PAM: variants seen among roughly 807,000 people sequenced by gnomAD.
The protein encoded by PAM is peptidyl-glycine alpha-amidating monooxygenase.
PAM carries 72 observed loss-of-function variants against 122.1 expected under a neutral mutation model. The ratio of observed to expected loss-of-function variants is 0.59; its 90% CI spans 0.49 to 0.72. The LOEUF (loss-of-function observed/expected upper bound fraction) is 0.72, where lower values mean the gene tolerates loss of function less well. Ranked by LOEUF, PAM falls within the 30% of genes least tolerant of loss-of-function variation. The pLI is 0.00. For synonymous variants in PAM, 389 were observed against 404.4 expected, an observed-to-expected ratio of 0.96 and a Z score of 0.46; for missense variants, 1,106 against 1,183.7, an observed-to-expected ratio of 0.93 and a Z score of 0.96.
In PAM at chr5:102,938,332, G is replaced by GTA. The variant is rs1335347792; in HGVS notation, c.527-8503_527-8502dup. On this transcript the variant is annotated intron_variant, in intron 7 of 25. Coordinates refer to ENST00000438793, the MANE Select transcript of PAM (RefSeq NM_001177306.2). ...TTTAATACCTAAATATGGCCATTAT[G>GTA]TATCAGGAATTACACTTTCATTCAT... Among the ~76,000 whole-genome samples the GTA allele has an allele frequency of 9.2e-5, 14 of 152,172 alleles. No homozygotes were observed. The South Asian group carries it at 2.5e-3, about 27-fold the overall frequency.
chr5:103,010,411 T>C (rs1484945749), intron 21 of PAM, among the ~76,000 whole-genome samples: 1 of 152,230 alleles, frequency 6.6e-6, no homozygotes, highest in South Asian at 2.1e-4. Context: ...TCCCACTGTT[T>C]ATTCTAACGT....
rs1772128852 is a variant in PAM, at chr5:102,987,144, CCT to C, written c.1484-3127_1484-3126del. Among the ~76,000 whole-genome samples the C allele has an allele frequency of 2.0e-5, 3 of 152,044 alleles. No homozygotes were observed. The South Asian group carries it at 6.2e-4, about 31-fold the overall frequency. On this transcript the variant is annotated intron_variant, in intron 15 of 25. Transcript: ENST00000438793. ...TACAGTAGCCAAGATATGGAATCAA[CCT>C]AAGAATATATCAGCAGATGAATGGA... is the stretch of plus-strand genomic sequence containing the variant.
chr5:102,870,814 G>A (rs1787179946), intron 3 of PAM, among the ~76,000 whole-genome samples: 1 of 152,148 alleles, frequency 6.6e-6, no homozygotes, highest in African/African-American at 2.4e-5. Context: ...ATCCAGCAGA[G>A]CCATGAAGTG....
intron 1 of PAM, among the ~76,000 whole-genome samples, chr5:102,803,134 A>G (rs189902073): frequency 2.9e-5 from 4 of 135,912 alleles, no homozygotes; most frequent in Non-Finnish European, 4.6e-5. Flanking sequence ...AAAAAAAAAG[A>G]AAGAAAGAAA....
intron 16 of PAM, among the ~76,000 whole-genome samples, chr5:102,994,098 A>G (rs1327905134): frequency 6.6e-6 from 1 of 152,088 alleles, no homozygotes; most frequent in Non-Finnish European, 1.5e-5. Flanking sequence ...TGTACTCCCA[A>G]AACAGCAAGT....
At chr5:102,967,872 G>A (rs754274387) in intron 14 of PAM, among the ~76,000 whole-genome samples, 18 of 151,918 alleles carry the variant, frequency 1.2e-4, no homozygotes, top group Middle Eastern at 3.4e-3. Context: ...ACAGGTGCCC[G>A]CCACCACCCC....
chr5:102,992,472 A>G (rs1258437909), intron 16 of PAM, among the ~76,000 whole-genome samples: 2 of 152,158 alleles, frequency 1.3e-5, no homozygotes, highest in African/African-American at 4.8e-5. Context: ...TTAGAAGTAG[A>G]TTACTCTGTT....
rs371496728 is a variant in PAM, at chr5:102,961,218, T to G, written c.1151T>G (p.Val384Gly). The G allele has an allele frequency of 1.2e-5, 19 of 1,553,134 alleles. No homozygotes were observed. In the African/African-American group the frequency reaches 1.9e-4, roughly 16 times the overall value. The stretch of plus-strand genomic sequence containing the variant: ...CAGCCAAAACGAGAAGAAGAAGAAG[T>G]GTTAGACCAGGGTATGTATGCTTAT... Reference protein sequence around the residue: ...LQQPKREEEEVLDQGDFYSLL... With the variant: ...LQQPKREEEEGLDQGDFYSLL... The change falls in exon 14 of 26, where the codon GTG becomes GGG. Residue 384 changes from valine to glycine, a missense_variant. Transcript: ENST00000438793.
At chr5:102,950,049 TA>T in intron 11 of PAM, 71 bp downstream of exon 11, 1 of 810,316 alleles carries the variant, frequency 1.2e-6, no homozygotes, top group Non-Finnish European at 2.1e-6. Context: ...TAAAAATTAT[TA>T]TGCAACTCTT....
In PAM at chr5:102,827,849, G is replaced by A. The variant is rs1252631364; in HGVS notation, c.-373-37974G>A. Among the ~76,000 whole-genome samples the A allele has an allele frequency of 2.5e-4, 4 of 15,796 alleles. 2 individuals carry two copies. Among genetic ancestry groups the A allele is most frequent in the Non-Finnish European group, 4.4e-4 (4 of 9,084 alleles). 10.4% of individuals were successfully genotyped at this position (15,796 alleles called of 152,430 possible). ...CTACAGGCGCCCGCCACTACGCCCG[G>A]CTAATTTTTTGTATTTTTAGTAGAG... On this transcript the variant is annotated intron_variant, in intron 1 of 25. Coordinates refer to ENST00000438793, the MANE Select transcript of PAM (RefSeq NM_001177306.2).
At chr5:102,977,042 G>T (rs1228009916) in intron 15 of PAM, among the ~76,000 whole-genome samples, 2 of 152,136 alleles carry the variant, frequency 1.3e-5, no homozygotes, top group Non-Finnish European at 2.9e-5. Flanking sequence ...GGTGTTTTCT[G>T]CAGCAGTATT....
intron 1 of PAM, among the ~76,000 whole-genome samples, chr5:102,856,779 T>A (rs1351817636): frequency 6.6e-6 from 1 of 152,170 alleles, no homozygotes; most frequent in Non-Finnish European, 1.5e-5. Flanking sequence ...CCCCTGAGAT[T>A]TTTTTTCAGC....
At position 103,007,541 on chromosome 5, in the gene PAM, T is replaced by C; in HGVS notation, c.2099T>C (p.Val700Ala). The part of the protein sequence containing the change: ...ALVPLLGQLC[V>A]ADRENGRIQC... The stretch of plus-strand genomic sequence containing the variant: ...GTGCCTCTTTTGGGCCAATTATGTG[T>C]GGCAGACCGGGAAAATGGTCGGATC... The change falls in exon 20 of 26, where the codon GTG becomes GCG. Residue 700 changes from valine to alanine, a missense_variant. This residue lies in a region of PAM where 333 missense variants were observed against 335.6 expected (regional missense o/e 0.99). Transcript: ENST00000438793. 1 of 1,614,070 alleles carries C rather than the reference T, an allele frequency of 6.2e-7. No individual in the cohort carries two copies. Among genetic ancestry groups the C allele is most frequent in the Non-Finnish European group, 8.5e-7 (1 of 1,179,962 alleles).
chr5:102,947,570 G>T (rs970113777), intron 8 of PAM, among the ~76,000 whole-genome samples: 1 of 152,094 alleles, frequency 6.6e-6, no homozygotes, highest in Admixed American at 6.6e-5. Flanking sequence ...TACTAATTGA[G>T]TTCAGTGTAT....
In PAM at chr5:102,939,213, A is replaced by G. The variant is rs10463989; in HGVS notation, c.527-7624A>G. 3.6e-3 allele frequency among the ~76,000 whole-genome samples: 544 copies of G among 152,224 alleles called. 9 individuals carry two copies. In the East Asian group the frequency reaches 0.037, roughly 10 times the overall value. On this transcript the variant is annotated intron_variant, in intron 7 of 25. Coordinates refer to ENST00000438793, the MANE Select transcript of PAM (RefSeq NM_001177306.2). ...CATTCTAGCCTTCCTATTTCTCCCA[A>G]TAGAAACATTATTCTTTTCATCCAG...
At chr5:102,802,691 T>G (rs943707182) in intron 1 of PAM, among the ~76,000 whole-genome samples, 2 of 152,172 alleles carry the variant, frequency 1.3e-5, no homozygotes, top group Non-Finnish European at 2.9e-5. Flanking sequence ...TATCACCCAG[T>G]TACAACACTG....
intron 1 of PAM, among the ~76,000 whole-genome samples, chr5:102,777,216 G>A (rs1757400454): frequency 6.6e-6 from 1 of 151,940 alleles, no homozygotes; most frequent in Non-Finnish European, 1.5e-5. Flanking sequence ...AGAGAGAAAG[G>A]GGAGTTTTTT....
intron 25 of PAM, 138 bp from the exon 26 acceptor site, chr5:103,028,749 G>A: frequency 1.6e-6 from 1 of 611,508 alleles, no homozygotes; most frequent in Non-Finnish European, 2.9e-6. Flanking sequence ...GTCTCTGTCT[G>A]TTTTTCTATT....
chr5:102,831,303 A>G (rs925941008), intron 1 of PAM, among the ~76,000 whole-genome samples: 1 of 152,216 alleles, frequency 6.6e-6, no homozygotes, highest in Admixed American at 6.5e-5. Flanking sequence ...CAAAGAAAGT[A>G]AAAATTATCT....
Sources: gnomAD v4.1 joint callset for allele counts (sites outside exome capture counted in the v4.1 genomes callset) on GRCh38, gnomAD v4.1.1 for gene constraint, gnomAD v4.1.1 regional missense constraint, MANE v1.5 for transcripts, NCBI Gene and HGNC (gene_info 2026-07-23, HGNC 2026-07-21) for gene names.